The following CFAP157 variants were observed in gnomAD, a reference collection of about 807,000 sequenced individuals.
CFAP157 encodes cilia and flagella associated protein 157, also known as cilia- and flagella-associated protein 157.
Under a neutral mutation model 57.8 loss-of-function variants are expected in CFAP157, and 43 were observed. The observed-to-expected ratio is 0.74, with a 90% CI of 0.58 to 0.96. The LOEUF is 0.96. Among genes scored for constraint, CFAP157 ranks in the 40% least tolerant of loss-of-function variants. CFAP157 has a pLI of 0.00. For synonymous variants in CFAP157, 267 were observed against 269.0 expected, an observed-to-expected ratio of 0.99 and a Z score of 0.07; for missense variants, 606 against 655.3, an observed-to-expected ratio of 0.92 and a Z score of 0.82.
chr9:127,714,965 C>A lies in CFAP157; in HGVS notation c.*1060C>A. ...GGCCCGCCCGCCCACCCCTGGCGCT[C>A]TCAACTCACCAGCCCGGGCCACGCT... On this transcript the variant is annotated 3_prime_UTR_variant, in exon 9 of 9. Transcript: ENST00000373295. The A allele has an allele frequency of 7.1e-7, 1 of 1,405,990 alleles. No homozygotes were observed. The highest frequency in any genetic ancestry group is 9.3e-7 in the Non-Finnish European group (1 of 1,072,026). The allele number at this position is 1,405,990 out of a possible 1,614,324, so 87.1% of individuals were successfully genotyped here.
rs1301032182 is a variant in CFAP157, at chr9:127,712,748, T to C, written c.1177T>C (p.Phe393Leu). 6.2e-7 allele frequency: 1 copy of C among 1,614,142 alleles called. No homozygotes were observed. Among genetic ancestry groups the C allele is most frequent in the African/African-American group, 1.3e-5 (1 of 75,012 alleles). Residue 393 changes from phenylalanine (F) to leucine (L), a missense_variant, in exon 7 of 9, where the codon TTC becomes CTC. Transcript: ENST00000373295. ...AGAGGACAGTGACGTTGACGTGACG[T>C]TCCAGCCATGGCACAAGGAGATGCT... ...DEEDSDVDVTFQPWHKEMLQQ... is the reference protein window; with the variant it reads ...DEEDSDVDVTLQPWHKEMLQQ...
rs1418466402 is a variant in CFAP157 at position 127,710,617 on chromosome 9, C to T, written c.450C>T (p.Ala150=). ...GGCGGCCAGGGGGGAAGCTGGCAGC[C>T]CTGGAGGAGTTCCGGCTGCAGAAAG... is the stretch of plus-strand genomic sequence containing the variant. The part of the protein sequence containing the change: ...ENIILGGKLA[A]LEEFRLQKEE... Residue 150 remains alanine (A), a synonymous_variant, in exon 3 of 9, where the codon GCC becomes GCT. Transcript: ENST00000373295. 6.3e-7 allele frequency: 1 copy of T among 1,584,676 alleles called. No individual in the cohort carries two copies. Among genetic ancestry groups the T allele is most frequent in the African/African-American group, 1.3e-5 (1 of 74,428 alleles).
In CFAP157 at chr9:127,715,632, G is replaced by C. The variant is rs751374882; in HGVS notation, c.*1727G>C. On this transcript the variant is annotated 3_prime_UTR_variant, in exon 9 of 9. Transcript: ENST00000373295. This position sits in a 1 kb window ranked among gnomAD's most constrained non-coding sequence, Gnocchi z 5.8. ...CTGTCCGGCGCCCAAAAAGCCGCCC[G>C]GCCTCATGCTGCCCCCATTCACTCC... The C allele has an allele frequency of 9.3e-6, 15 of 1,611,874 alleles. No homozygotes were observed. Among genetic ancestry groups the C allele is most frequent in the South Asian group, 6.6e-5 (6 of 91,026 alleles).
Position 127,715,574 on chromosome 9 carries a change from C to G in CFAP157, c.*1669C>G. ...ACCGCTTCCCCGGGGGGCGAGGCTC[C>G]AAAACACATCGGCTCATGGCTCTAC... On this transcript the variant is annotated 3_prime_UTR_variant, in exon 9 of 9. Coordinates refer to ENST00000373295, the MANE Select transcript of CFAP157 (RefSeq NM_001012502.3). The surrounding 1 kb of genome is among the most constrained non-coding windows in gnomAD (Gnocchi z 5.8). 6.2e-7 allele frequency: 1 copy of G among 1,613,520 alleles called. No homozygotes were observed. Among genetic ancestry groups the G allele is most frequent in the Non-Finnish European group, 8.5e-7 (1 of 1,180,030 alleles).
Position 127,707,197 on chromosome 9 carries a change from G to A in CFAP157, c.161+5G>A, listed in dbSNP as rs769176716. On this transcript the variant is annotated splice_donor_5th_base_variant and intron_variant, in intron 1 of 8. Coordinates refer to ENST00000373295, the MANE Select transcript of CFAP157 (RefSeq NM_001012502.3). ...CCTGGAGGACCGGCTAGCCCGGTGC[G>A]TGGGCTGGCGGGCAGGAGTCTGGTG... is the stretch of plus-strand genomic sequence containing the variant. 8 of 1,609,088 alleles carry A rather than the reference G, an allele frequency of 5.0e-6. No individual in the cohort carries two copies. The Admixed American group carries it at 5.0e-5, about 10-fold the overall frequency.
At position 127,710,746 on chromosome 9, in the gene CFAP157, C is replaced by A; in HGVS notation, c.579C>A (p.Asp193Glu). The A allele has an allele frequency of 1.3e-6, 2 of 1,565,430 alleles. No homozygotes were observed. Among genetic ancestry groups the A allele is most frequent in the African/African-American group, 1.4e-5 (1 of 73,998 alleles). The change falls in exon 3 of 9, where the codon GAC (aspartate) becomes GAA (glutamate). Residue 193 changes from aspartate (D) to glutamate (E), a missense_variant. Coordinates refer to ENST00000373295, the MANE Select transcript of CFAP157 (RefSeq NM_001012502.3). ...AYNLEKKSVL[D>E]KDRLRKEIIQ... ...ACCTGGAGAAGAAGTCGGTGCTGGA[C>A]AAGGACAGGTGGGCAAGCGGGGCAC...
At position 127,713,179 on chromosome 9, in the gene CFAP157, G is replaced by C. The variant is rs1842808622; in HGVS notation, c.1464G>C (p.Gly488=). 6.4e-7 allele frequency: 1 copy of C among 1,569,724 alleles called. No individual in the cohort carries two copies. Among genetic ancestry groups the C allele is most frequent in the Admixed American group, 1.9e-5 (1 of 53,616 alleles). Residue 488 remains glycine, a synonymous_variant, in exon 8 of 9, where the codon GGG becomes GGC. Transcript: ENST00000373295. ...LRLLSYITRV[G]TFRAHSSPEM... is the part of the protein sequence containing the mutation. ...TGCTGTCATATATCACCCGTGTGGG[G>C]ACCTTCCGGGCACACAGCAGCCCTG...
rs772829577 is a variant in CFAP157, at chr9:127,709,595, A to C, written c.335A>C (p.Lys112Thr). 2 of 1,613,864 alleles carry C rather than the reference A, an allele frequency of 1.2e-6. No individual in the cohort carries two copies. Among genetic ancestry groups the C allele is most frequent in the Non-Finnish European group, 1.7e-6 (2 of 1,180,018 alleles). The change falls in exon 2 of 9, where the codon AAA (lysine) becomes ACA (threonine). Residue 112 changes from lysine to threonine, a missense_variant. Lys to Thr is a moderately conservative substitution (Grantham distance 78). Coordinates refer to ENST00000373295, the MANE Select transcript of CFAP157 (RefSeq NM_001012502.3). The surrounding 1 kb of genome is among the most constrained non-coding windows in gnomAD (Gnocchi z 4.7). Reference protein sequence around the residue: ...NEQLQNLQLAKEMEKDAFEAQ... With the variant: ...NEQLQNLQLATEMEKDAFEAQ... ...CAGCTCCAGAACTTGCAGCTAGCCA[A>C]AGAGATGGAGAAGGATGCCTTCGAG...
chr9:127,712,093 T>C, intron 5 of CFAP157, 106 bp from the exon 6 acceptor site: 1 of 1,518,606 alleles, frequency 6.6e-7, no homozygotes, highest in Non-Finnish European at 8.9e-7. Flanking sequence ...TGGGGCGGGA[T>C]GGGGGCCCCT....
In CFAP157 at chr9:127,715,743, C is replaced by G; in HGVS notation, c.*1838C>G. On this transcript the variant is annotated 3_prime_UTR_variant, in exon 9 of 9. Coordinates refer to ENST00000373295, the MANE Select transcript of CFAP157 (RefSeq NM_001012502.3). This position sits in a 1 kb window ranked among gnomAD's most constrained non-coding sequence, Gnocchi z 5.8. ...TCCACCGCCAACGTCCAATCCGGGC[C>G]GGGCTACGTGGCCGCCATGCTTCTG... 6.5e-7 allele frequency: 1 copy of G among 1,536,618 alleles called. No homozygotes were observed. The highest frequency in any genetic ancestry group is 8.7e-7 in the Non-Finnish European group (1 of 1,147,204).
chr9:127,714,508 G>T lies in CFAP157; in HGVS notation c.*603G>T. On this transcript the variant is annotated 3_prime_UTR_variant, in exon 9 of 9. Transcript: ENST00000373295. ...TCCCTGCCCCGGCTGGGTCAGAGCA[G>T]CCCATTTCCTGTGGAGACTGGGTCA... 1 of 1,598,276 alleles carries T rather than the reference G, an allele frequency of 6.3e-7. No homozygotes were observed.
In CFAP157 at chr9:127,712,309, C is replaced by T; in HGVS notation, c.1097C>T (p.Ala366Val). The change falls in exon 6 of 9, where the codon GCT (alanine) becomes GTT (valine). Residue 366 changes from alanine (A) to valine (V), a missense_variant. Coordinates refer to ENST00000373295, the MANE Select transcript of CFAP157 (RefSeq NM_001012502.3). ...EQKVRASLEA[A>V]LVQATSFLQN... ...AAGGTTCGGGCCAGCCTGGAGGCGGCTCTGGTCCAGGCCACCTCCTTCCTA... is the reference window on the plus strand; with the variant it reads ...AAGGTTCGGGCCAGCCTGGAGGCGGTTCTGGTCCAGGCCACCTCCTTCCTA... 6.2e-7 allele frequency: 1 copy of T among 1,614,034 alleles called. No individual in the cohort carries two copies. Among genetic ancestry groups the T allele is most frequent in the Non-Finnish European group, 8.5e-7 (1 of 1,180,018 alleles).
In CFAP157 at chr9:127,713,956, A is replaced by T. The variant is rs1842831837; in HGVS notation, c.*51A>T. 1 of 1,588,522 alleles carries T rather than the reference A, an allele frequency of 6.3e-7. No homozygotes were observed. Among genetic ancestry groups the T allele is most frequent in the Non-Finnish European group, 8.6e-7 (1 of 1,157,226 alleles). On this transcript the variant is annotated 3_prime_UTR_variant, in exon 9 of 9. Transcript: ENST00000373295. ...GAAATGGACTGGTCCAGTCACAGTC[A>T]CCCCCACTTTAATCCGCAGGCAGCC...
chr9:127,707,025 A>T lies in CFAP157; in HGVS notation c.-7A>T. On this transcript the variant is annotated 5_prime_UTR_variant, in exon 1 of 9. Coordinates refer to ENST00000373295, the MANE Select transcript of CFAP157 (RefSeq NM_001012502.3). ...CCTGGGGCCTGGAGCCCTGGTTGCC[A>T]TCAGCCATGGCTCCCAAAAAGAGTG... is the stretch of plus-strand genomic sequence containing the variant. The T allele has an allele frequency of 6.2e-7, 1 of 1,613,300 alleles. No individual in the cohort carries two copies. Among genetic ancestry groups the T allele is most frequent in the Non-Finnish European group, 8.5e-7 (1 of 1,179,574 alleles).
Position 127,715,453 on chromosome 9 carries a change from A to T in CFAP157, c.*1548A>T. 1 of 1,556,392 alleles carries T rather than the reference A, an allele frequency of 6.4e-7. No individual in the cohort carries two copies. Among genetic ancestry groups the T allele is most frequent in the Non-Finnish European group, 8.8e-7 (1 of 1,137,306 alleles). On this transcript the variant is annotated 3_prime_UTR_variant, in exon 9 of 9. Transcript: ENST00000373295. This position sits in a 1 kb window ranked among gnomAD's most constrained non-coding sequence, Gnocchi z 5.8. The stretch of plus-strand genomic sequence containing the variant: ...AACTCACCAGTTAAGAAAACAGAGC[A>T]GCAATTTGGGGGCACTCGGCTCCCG...
intron 8 of CFAP157, chr9:127,713,496 CTTTTTTTTT>C (rs58502035): frequency 2.1e-4 from 19 of 90,930 alleles, no homozygotes; most frequent in South Asian, 9.6e-4. Flanking sequence ...CAGCATCTTT[CTTTTTTTTT>C]TTTTTTTTTT....
At position 127,710,757 on chromosome 9, in the gene CFAP157, G is replaced by C. The variant is rs749054423; in HGVS notation, c.587+3G>C. 8 of 1,560,146 alleles carry C rather than the reference G, an allele frequency of 5.1e-6. No homozygotes were observed. Among genetic ancestry groups the C allele is most frequent in the Non-Finnish European group, 6.1e-6 (7 of 1,151,214 alleles). On this transcript the variant is annotated splice_donor_region_variant and intron_variant, in intron 3 of 8. Transcript: ENST00000373295. The stretch of plus-strand genomic sequence containing the variant: ...AAGTCGGTGCTGGACAAGGACAGGT[G>C]GGCAAGCGGGGCACCCTTTGGGGCC...
intron 1 of CFAP157, 149 bp downstream of exon 1, chr9:127,707,341 C>A: frequency 1.3e-6 from 1 of 777,580 alleles, no homozygotes; most frequent in Non-Finnish European, 2.0e-6. Context: ...AGCCTCATTT[C>A]CTCATACGTA....
Position 127,712,364 on chromosome 9 carries a change from G to A in CFAP157, c.1137+15G>A, listed in dbSNP as rs1227408908. ...ACATTCTGCAGGTGAGCAGAAGGGA[G>A]AGAGGGAGGGCGCAAGGGGAGGGGG... On this transcript the variant is annotated intron_variant, in intron 6 of 8. Coordinates refer to ENST00000373295, the MANE Select transcript of CFAP157 (RefSeq NM_001012502.3). The A allele has an allele frequency of 6.2e-7, 1 of 1,613,068 alleles. No individual in the cohort carries two copies. Among genetic ancestry groups the A allele is most frequent in the Non-Finnish European group, 8.5e-7 (1 of 1,179,658 alleles).
Sources: allele counts gnomAD v4.1 joint callset, GRCh38; gene constraint gnomAD v4.1.1; non-coding constraint Gnocchi (gnomAD v3.1); transcripts MANE v1.5; gene names NCBI Gene and HGNC (gene_info 2026-07-23, HGNC 2026-07-21).